The following PPARA variants were observed in gnomAD, a reference collection of about 807,000 sequenced individuals.
PPARA encodes the protein peroxisome proliferator-activated receptor alpha.
Under a neutral mutation model 42.2 loss-of-function variants are expected in PPARA, and 22 were observed. The ratio of observed to expected loss-of-function variants is 0.52; its 90% CI spans 0.37 to 0.74. The LOEUF (loss-of-function observed/expected upper bound fraction) is 0.74. PPARA is among the 30% of genes least tolerant of loss of function. The pLI is 0.00. For synonymous variants in PPARA, 242 were observed against 239.3 expected, an observed-to-expected ratio of 1.01 and a Z score of -0.10; for missense variants, 465 against 608.2, an observed-to-expected ratio of 0.76 and a Z score of 2.48.
intron 2 of PPARA, among the ~76,000 whole-genome samples, chr22:46,152,599 G>A (rs907140132): frequency 6.6e-6 from 1 of 152,310 alleles, no homozygotes; most frequent in African/African-American, 2.4e-5. Context: ...ACCGAGTAGT[G>A]TACTGTCTCT....
rs1931363012 is a variant in PPARA at position 46,190,232 on chromosome 22, A to G, written c.-42-8110A>G. Reference sequence around the variant, plus strand: ...TCTGATGGTCACCTGCCCCAGCAACACTACTCGTTTGAGAAGACTTCCATC... The same window carrying G: ...TCTGATGGTCACCTGCCCCAGCAACGCTACTCGTTTGAGAAGACTTCCATC... On this transcript the variant is annotated intron_variant, in intron 3 of 8. Transcript: ENST00000407236. The surrounding 1 kb of genome is among the most constrained non-coding windows in gnomAD (Gnocchi z 5.6). Among the ~76,000 whole-genome samples, 1 of 152,202 alleles carries G rather than the reference A, an allele frequency of 6.6e-6. No homozygotes were observed. The highest frequency in any genetic ancestry group is 6.5e-5 in the Admixed American group (1 of 15,276).
At chr22:46,207,665 A>ATTTTTTTTTTTTTTTTTTTTT (rs1569228083) in intron 4 of PPARA, among the ~76,000 whole-genome samples, 1 of 83,958 alleles carries the variant, frequency 1.2e-5, no homozygotes, top group African/African-American at 5.0e-5. Flanking sequence ...TATTATTATT[A>ATTTTTTTTTTTTTTTTTTTTT]TTATTATTAT....
In PPARA at chr22:46,225,063, G is replaced by C. The variant is rs1030613290; in HGVS notation, c.711+5049G>C. ...GGGTTGGAACCGGCCAGGGTGCACGGAGGAGGCTGTGGGGGCAGGGGGAGG... is the reference window on the plus strand; with the variant it reads ...GGGTTGGAACCGGCCAGGGTGCACGCAGGAGGCTGTGGGGGCAGGGGGAGG... On this transcript the variant is annotated intron_variant, in intron 7 of 8. Coordinates refer to ENST00000407236, the MANE Select transcript of PPARA (RefSeq NM_005036.6). The surrounding 1 kb of genome is among the most constrained non-coding windows in gnomAD (Gnocchi z 4.1). Among the ~76,000 whole-genome samples the C allele has an allele frequency of 6.6e-6, 1 of 152,110 alleles. No homozygotes were observed. The highest frequency in any genetic ancestry group is 2.4e-5 in the African/African-American group (1 of 41,428).
At chr22:46,194,336 G>A (rs1302235216) in intron 3 of PPARA, among the ~76,000 whole-genome samples, 1 of 152,124 alleles carries the variant, frequency 6.6e-6, no homozygotes, top group Non-Finnish European at 1.5e-5. Context: ...TTGTTTAAAA[G>A]CAACTAAAAA....
chr22:46,198,357 C>G lies in PPARA; in HGVS notation c.-27C>G. On this transcript the variant is annotated 5_prime_UTR_variant, in exon 4 of 9. Coordinates refer to ENST00000407236, the MANE Select transcript of PPARA (RefSeq NM_005036.6). ...TTCCTCCCAGTAGCTTGGAGCTCGG[C>G]GGCACAACCAGCACCATCTGGTCGC... The G allele has an allele frequency of 6.2e-7, 1 of 1,606,692 alleles. No individual in the cohort carries two copies. The highest frequency in any genetic ancestry group is 8.5e-7 in the Non-Finnish European group (1 of 1,173,696).
chr22:46,228,920 C>T (rs774396104), intron 7 of PPARA, among the ~76,000 whole-genome samples: 67 of 151,546 alleles, frequency 4.4e-4, no homozygotes, highest in African/African-American at 3.9e-4. Flanking sequence ...CTGGCTAACA[C>T]GGTGAAACCC....
chr22:46,226,095 C>G (rs895834119), intron 7 of PPARA, among the ~76,000 whole-genome samples: 16 of 151,956 alleles, frequency 1.1e-4, no homozygotes, highest in Non-Finnish European at 2.2e-4. Context: ...TATGCACACA[C>G]ATACCCTCAC....
chr22:46,198,625 G>A (rs1406864626), intron 4 of PPARA, 34 bp downstream of exon 4: 5 of 1,394,198 alleles, frequency 3.6e-6, no homozygotes, highest in Middle Eastern at 1.9e-4. Flanking sequence ...GTTTTATTTA[G>A]AAATGTTTCT....
intron 7 of PPARA, among the ~76,000 whole-genome samples, chr22:46,229,456 G>A (rs1427395632): frequency 6.6e-6 from 1 of 152,056 alleles, no homozygotes; most frequent in Non-Finnish European, 1.5e-5. Flanking sequence ...GGGAGGCTGA[G>A]GCAGGAGAAT....
Position 46,219,122 on chromosome 22 carries a change from A to C in PPARA, c.509-690A>C, listed in dbSNP as rs1398070256. Among the ~76,000 whole-genome samples, 1 of 152,072 alleles carries C rather than the reference A, an allele frequency of 6.6e-6. No individual in the cohort carries two copies. The highest frequency in any genetic ancestry group is 1.5e-5 in the Non-Finnish European group (1 of 68,010). Reference sequence around the variant, plus strand: ...GGTTGCAGTGAGCTGAGATCGCACCACTGCACTCCAGCCTGGGCGACAGAG... The same window carrying C: ...GGTTGCAGTGAGCTGAGATCGCACCCCTGCACTCCAGCCTGGGCGACAGAG... On this transcript the variant is annotated intron_variant, in intron 6 of 8. Coordinates refer to ENST00000407236, the MANE Select transcript of PPARA (RefSeq NM_005036.6). This position sits in a 1 kb window ranked among gnomAD's most constrained non-coding sequence, Gnocchi z 4.8.
At chr22:46,208,692 C>T (rs1163615209) in intron 4 of PPARA, among the ~76,000 whole-genome samples, 1 of 152,030 alleles carries the variant, frequency 6.6e-6, no homozygotes, top group Non-Finnish European at 1.5e-5. Flanking sequence ...TGACCAACAT[C>T]TCCCCATTCC....
rs1928004460 is a variant in PPARA at position 46,171,346 on chromosome 22, T to TA, written c.-126-5406dup. 6.6e-6 allele frequency: 1 copy of TA among 152,248 alleles called. No individual in the cohort carries two copies. Among genetic ancestry groups the TA allele is most frequent in the African/African-American group, 2.4e-5 (1 of 41,422 alleles). The allele number at this position is 152,248 out of a possible 1,614,324, so 9.4% of individuals were successfully genotyped here. A position where few individuals can be genotyped will look rare whatever the true frequency, so the allele number is the denominator to read the frequency against. On this transcript the variant is annotated intron_variant, in intron 2 of 8. Transcript: ENST00000407236. The surrounding 1 kb of genome is among the most constrained non-coding windows in gnomAD (Gnocchi z 5.0). ...CTCTGTACCAGGCATTGTTCTAAGATACGTAAGTGAACAAAACCCATGACA... is the reference window on the plus strand; with the variant it reads ...CTCTGTACCAGGCATTGTTCTAAGATAACGTAAGTGAACAAAACCCATGACA...
chr22:46,215,427 A>G (rs1601774912), intron 5 of PPARA, 94 bp downstream of exon 5: 7 of 1,535,118 alleles, frequency 4.6e-6, no homozygotes, highest in Non-Finnish European at 6.3e-6. Context: ...GAGAGATTGC[A>G]GAAAGTCCCG....
intron 2 of PPARA, among the ~76,000 whole-genome samples, chr22:46,172,033 T>G (rs1482066387): frequency 6.6e-6 from 1 of 152,064 alleles, no homozygotes; most frequent in African/African-American, 2.4e-5. Context: ...ACCTTGACCT[T>G]AGCTCCAGCC....
intron 6 of PPARA, among the ~76,000 whole-genome samples, chr22:46,218,826 T>C (rs370622353): frequency 7.9e-6 from 1 of 126,760 alleles, no homozygotes; most frequent in Non-Finnish European, 1.6e-5. Context: ...AGAGGGAGAT[T>C]CCGTCTCACA....
At position 46,232,143 on chromosome 22, in the gene PPARA, A is replaced by C. The variant is rs1249403463; in HGVS notation, c.1063A>C (p.Met355Leu). ...KSLRKPFCDI[M>L]EPKFDFAMKF... ...CCTAAGGAAACCGTTCTGTGATATC[A>C]TGGAACCCAAGTTTGATTTTGCCAT... The change falls in exon 8 of 9, where the codon ATG becomes CTG. Residue 355 changes from methionine to leucine, a missense_variant. Around this residue, in one of 2 missense-constraint regions of PPARA, gnomAD observed 313 missense variants for 469.1 expected, o/e 0.67. Transcript: ENST00000407236. This position sits in a 1 kb window ranked among gnomAD's most constrained non-coding sequence, Gnocchi z 5.3. 1 of 1,614,234 alleles carries C rather than the reference A, an allele frequency of 6.2e-7. No individual in the cohort carries two copies. The highest frequency in any genetic ancestry group is 1.7e-5 in the Admixed American group (1 of 60,026).
In PPARA at chr22:46,192,536, G is replaced by A. The variant is rs768840979; in HGVS notation, c.-42-5806G>A. 1.3e-4 allele frequency among the ~76,000 whole-genome samples: 20 copies of A among 151,988 alleles called. No homozygotes were observed. Among genetic ancestry groups the A allele is most frequent in the Admixed American group, 2.0e-4 (3 of 15,254 alleles). ...CAATTTTCATATACTCTGTTTCATC[G>A]TTCTCAAAGGAATATTTTGATTGAT... On this transcript the variant is annotated intron_variant, in intron 3 of 8. Coordinates refer to ENST00000407236, the MANE Select transcript of PPARA (RefSeq NM_005036.6). This position sits in a 1 kb window ranked among gnomAD's most constrained non-coding sequence, Gnocchi z 4.3.
At chr22:46,177,362 G>T (rs566594844) in intron 3 of PPARA, among the ~76,000 whole-genome samples, 12 of 151,784 alleles carry the variant, frequency 7.9e-5, no homozygotes, top group Non-Finnish European at 1.6e-4. Flanking sequence ...TAGTCTCAGA[G>T]GCTGAGGCAG....
Position 46,231,830 on chromosome 22 carries a change from T to C in PPARA, c.750T>C (p.Ala250=), listed in dbSNP as rs1935893321. 6 of 1,613,864 alleles carry C rather than the reference T, an allele frequency of 3.7e-6. No individual in the cohort carries two copies. The East Asian group carries it at 1.3e-4, about 36-fold the overall frequency. The part of the protein sequence containing the change: ...VIHDMETLCM[A]EKTLVAKLVA... ...ATGATATGGAGACACTGTGTATGGC[T>C]GAGAAGACGCTGGTGGCCAAGCTGG... is the stretch of plus-strand genomic sequence containing the variant. The change falls in exon 8 of 9, where the codon GCT becomes GCC. Residue 250 remains alanine (A), a synonymous_variant. Coordinates refer to ENST00000407236, the MANE Select transcript of PPARA (RefSeq NM_005036.6). This position sits in a 1 kb window ranked among gnomAD's most constrained non-coding sequence, Gnocchi z 7.7.
Sources: gnomAD v4.1 joint callset for allele counts (sites outside exome capture counted in the v4.1 genomes callset) on GRCh38, gnomAD v4.1.1 for gene constraint, gnomAD v4.1.1 regional missense constraint, Gnocchi (gnomAD v3.1) non-coding constraint, MANE v1.5 for transcripts, NCBI Gene and HGNC (gene_info 2026-07-23, HGNC 2026-07-21) for gene names.